Variants in UTP4 observed in about 807,000 individuals in gnomAD.
The protein encoded by UTP4 is U3 small nucleolar RNA-associated protein 4 homolog.
In UTP4, 45 loss-of-function variants were observed where a neutral mutation model predicts 82.4. That is an observed-to-expected ratio of 0.55 (90% CI 0.43 to 0.70). UTP4 has a LOEUF of 0.70. UTP4 is among the 30% of genes least tolerant of loss of function. The pLI is 0.00. For synonymous variants in UTP4, 348 were observed against 300.3 expected, an observed-to-expected ratio of 1.16 and a Z score of -1.64; for missense variants, 819 against 858.3, an observed-to-expected ratio of 0.95 and a Z score of 0.57.
chr16:69,139,639 AAAATAAATAAAT>A (rs60340195), intron 4 of UTP4, 174 bp from the exon 5 acceptor site: 2,812 of 167,084 alleles, frequency 0.017, 77 homozygotes, highest in East Asian at 0.052. Context: ...CTCCGTCTCA[AAAATAAATAAAT>A]AAATAAATAA....
chr16:69,162,385 G>T (rs548241202), intron 13 of UTP4, among the ~76,000 whole-genome samples: 1 of 151,956 alleles, frequency 6.6e-6, no homozygotes, highest in Non-Finnish European at 1.5e-5. Context: ...AAACCAGCCC[G>T]GCCAACATAG....
Position 69,163,179 on chromosome 16 carries a change from G to C in UTP4, c.1647+1G>C. 6.2e-7 allele frequency: 1 copy of C among 1,609,072 alleles called. No individual in the cohort carries two copies. Among genetic ancestry groups the C allele is most frequent in the Non-Finnish European group, 8.5e-7 (1 of 1,175,386 alleles). The stretch of plus-strand genomic sequence containing the variant: ...TGTCATCGCTCATTCGGACCAGCAG[G>C]TAAGGGAGATTCCAGTGCTTTCTAT... On this transcript the variant is annotated splice_donor_variant, in intron 14 of 16. Transcript: ENST00000314423. LOFTEE classifies it high-confidence loss of function.
At chr16:69,161,508 C>T (rs1272031061) in intron 13 of UTP4, among the ~76,000 whole-genome samples, 1 of 152,220 alleles carries the variant, frequency 6.6e-6, no homozygotes, top group African/African-American at 2.4e-5. Flanking sequence ...ACATAAAAAT[C>T]CATGCCTAGG....
intron 6 of UTP4, among the ~76,000 whole-genome samples, chr16:69,144,727 GCC>G (rs1963060747): frequency 2.0e-5 from 3 of 152,074 alleles, no homozygotes; most frequent in Admixed American, 2.0e-4. Flanking sequence ...GTATGTTAAG[GCC>G]CTGAAAAACA....
intron 3 of UTP4, 67 bp from the exon 4 acceptor site, chr16:69,137,734 G>A (rs933342896): frequency 1.2e-6 from 1 of 838,704 alleles, no homozygotes; most frequent in Non-Finnish European, 2.1e-6. Flanking sequence ...GGGGGTGTGT[G>A]TGTGTGTTTA....
rs758406726 is a variant in UTP4 at position 69,150,835 on chromosome 16, T to G, written c.933T>G (p.Phe311Leu). The G allele has an allele frequency of 4.3e-6, 7 of 1,614,180 alleles. No homozygotes were observed. In the Admixed American group the frequency reaches 1.2e-4, roughly 27 times the overall value. The part of the protein sequence containing the change: ...ISGGTDTHLV[F>L]RPLMEKVEVK... Reference sequence around the variant, plus strand: ...CAGGCACTGACACCCACTTAGTCTTTCGTCCTCTCATGGAGAAGGTGGAAG... The same window carrying G: ...CAGGCACTGACACCCACTTAGTCTTGCGTCCTCTCATGGAGAAGGTGGAAG... The change falls in exon 8 of 17, where the codon TTT (phenylalanine) becomes TTG (leucine). Residue 311 changes from phenylalanine to leucine, a missense_variant. Phe to Leu is a conservative substitution (Grantham distance 22). Coordinates refer to ENST00000314423, the MANE Select transcript of UTP4 (RefSeq NM_032830.3).
intron 14 of UTP4, 44 bp from the exon 15 acceptor site, chr16:69,165,297 T>C (rs1469717875): frequency 1.5e-5 from 24 of 1,571,500 alleles, no homozygotes; most frequent in East Asian, 2.2e-5. Flanking sequence ...TTCTGGTCTT[T>C]CTGAGTACCA....
chr16:69,156,749 G>A (rs554866439), intron 11 of UTP4, among the ~76,000 whole-genome samples: 44 of 152,276 alleles, frequency 2.9e-4, no homozygotes, highest in Non-Finnish European at 5.1e-4. Flanking sequence ...GAGACACTGC[G>A]CCCGGCCCAC....
At chr16:69,136,195 T>C (rs867357222) in intron 2 of UTP4, among the ~76,000 whole-genome samples, 1 of 152,240 alleles carries the variant, frequency 6.6e-6, no homozygotes, top group Non-Finnish European at 1.5e-5. Flanking sequence ...TAGTTCCTTT[T>C]TCGTCAAGCA....
At chr16:69,152,894 A>G (rs1313115129) in intron 8 of UTP4, among the ~76,000 whole-genome samples, 2 of 152,162 alleles carry the variant, frequency 1.3e-5, no homozygotes, top group Admixed American at 6.6e-5. Flanking sequence ...GATTGCTGGC[A>G]TTACAGGCAT....
chr16:69,154,391 A>G lies in UTP4; in HGVS notation c.1100-2A>G. 6.2e-7 allele frequency: 1 copy of G among 1,607,288 alleles called. No individual in the cohort carries two copies. Among genetic ancestry groups the G allele is most frequent in the Non-Finnish European group, 8.5e-7 (1 of 1,174,082 alleles). ...AAATCTCAGGGAAGTTTCTTGTTTC[A>G]GGCAAGAATGGGGATACTCTTCCAC... On this transcript the variant is annotated splice_acceptor_variant, in intron 9 of 16. Coordinates refer to ENST00000314423, the MANE Select transcript of UTP4 (RefSeq NM_032830.3). LOFTEE classifies it high-confidence loss of function.
intron 10 of UTP4, 43 bp downstream of exon 10, chr16:69,154,500 C>T (rs1963357988): frequency 1.5e-6 from 2 of 1,363,792 alleles, no homozygotes; most frequent in Non-Finnish European, 2.1e-6. Flanking sequence ...AGCCTGAATT[C>T]TAGGCTCATA....
chr16:69,166,791 A>G, intron 15 of UTP4: 1 of 424,916 alleles, frequency 2.4e-6, no homozygotes, highest in Middle Eastern at 6.9e-4. Flanking sequence ...GCATGGAGTT[A>G]ACAAGCTCTC....
chr16:69,134,686 C>CT (rs1020282381), intron 2 of UTP4, among the ~76,000 whole-genome samples: 8 of 144,920 alleles, frequency 5.5e-5, no homozygotes, highest in Non-Finnish European at 7.6e-5. Flanking sequence ...CTGTGATTTT[C>CT]TTTTTTTTTC....
intron 3 of UTP4, 92 bp downstream of exon 3, chr16:69,136,979 T>A: frequency 1.8e-6 from 2 of 1,096,680 alleles, no homozygotes; most frequent in Non-Finnish European, 1.4e-6. Flanking sequence ...TAACGATATA[T>A]TATGGCATGT....
Position 69,137,802 on chromosome 16 carries a change from T to G in UTP4, c.353T>G (p.Val118Gly). 1.3e-6 allele frequency: 2 copies of G among 1,596,964 alleles called. No individual in the cohort carries two copies. The highest frequency in any genetic ancestry group is 1.7e-6 in the Non-Finnish European group (2 of 1,164,524). ...AASPSGSQLL[V>G]GCEDGSVKLF... ...GTTTACTACCTCTTTCTCAAATAGG[T>G]TGGTTGTGAAGATGGATCTGTGAAA... is the stretch of plus-strand genomic sequence containing the variant. The change falls in exon 4 of 17, where the codon GTT becomes GGT. Residue 118 changes from valine (V) to glycine (G), a missense_variant and splice_region_variant. Val to Gly is a moderately radical substitution (Grantham distance 109). Coordinates refer to ENST00000314423, the MANE Select transcript of UTP4 (RefSeq NM_032830.3).
At chr16:69,165,726 A>G in intron 15 of UTP4, 200 bp downstream of exon 15, 2 of 654,770 alleles carry the variant, frequency 3.1e-6, no homozygotes, top group Non-Finnish European at 5.5e-6. Context: ...GTTCTTCGGG[A>G]GGCTCTCGGG....
intron 13 of UTP4, 28 bp downstream of exon 13, chr16:69,160,490 T>C (rs1363888368): frequency 5.8e-6 from 9 of 1,543,140 alleles, no homozygotes; most frequent in Non-Finnish European, 8.1e-6. Context: ...TGGCAGCAGT[T>C]TGAATCATTG....
At chr16:69,168,763 C>A in intron 16 of UTP4, 58 bp from the exon 17 acceptor site, 1 of 1,074,304 alleles carries the variant, frequency 9.3e-7, no homozygotes, top group Non-Finnish European at 1.5e-6. Flanking sequence ...ACAGTCAGTT[C>A]TTTCAGGACT....
Sources: allele counts gnomAD v4.1 joint callset (sites outside exome capture counted in the v4.1 genomes callset), GRCh38; gene constraint gnomAD v4.1.1; transcripts MANE v1.5; gene names NCBI Gene and HGNC (gene_info 2026-07-23, HGNC 2026-07-21).